P3H2: variants seen among roughly 807,000 people sequenced by gnomAD.
The protein encoded by P3H2 is prolyl 3-hydroxylase 2.
In P3H2, 80 loss-of-function variants were observed where a neutral mutation model predicts 87.0. That is an observed-to-expected ratio of 0.92 (90% CI 0.77 to 1.11). The LOEUF is 1.11. Ranked by LOEUF, P3H2 falls within the 50% of genes least tolerant of loss-of-function variation. The probability of loss-of-function intolerance (pLI) is 0.00; values close to 1 mark genes in which losing one functional copy is unlikely to be tolerated. For synonymous variants in P3H2, 367 were observed against 359.3 expected (o/e 1.02, Z -0.24); for missense variants, 1,001 against 923.9 (o/e 1.08, Z -1.08).
At chr3:189,997,827 C>T (rs3929190) in intron 1 of P3H2, among the ~76,000 whole-genome samples, 1 of 152,142 alleles carries the variant, frequency 6.6e-6, no homozygotes, top group Non-Finnish European at 1.5e-5. Context: ...CATATCAATA[C>T]AGATAAATAT....
At chr3:189,992,216 T>TC (rs1181418974) in intron 3 of P3H2, among the ~76,000 whole-genome samples, 2 of 152,120 alleles carry the variant, frequency 1.3e-5, no homozygotes, top group Admixed American at 1.3e-4. Context: ...TGCCTCAGCC[T>TC]CCTAAGTAGC....
chr3:190,010,981 G>C (rs999709937), intron 1 of P3H2, among the ~76,000 whole-genome samples: 34 of 152,042 alleles, frequency 2.2e-4, no homozygotes, highest in African/African-American at 7.0e-4. Context: ...GACTCATTAC[G>C]ACATTAAAAC....
At chr3:190,052,791 A>C (rs1726025081) in intron 1 of P3H2, among the ~76,000 whole-genome samples, 2 of 152,120 alleles carry the variant, frequency 1.3e-5, no homozygotes, top group African/African-American at 2.4e-5. Context: ...ATGTAAAAGA[A>C]TATAATTTGA....
At chr3:190,109,855 T>G (rs1328136020) in intron 1 of P3H2, among the ~76,000 whole-genome samples, 1 of 150,822 alleles carries the variant, frequency 6.6e-6, no homozygotes, top group African/African-American at 2.4e-5. Flanking sequence ...CTTTTTTTTT[T>G]TTTTTTTTTT....
At chr3:190,103,337 A>T (rs1363038226) in intron 1 of P3H2, among the ~76,000 whole-genome samples, 3 of 152,236 alleles carry the variant, frequency 2.0e-5, no homozygotes, top group Non-Finnish European at 4.4e-5. Context: ...ATTCACACAC[A>T]ATAATCTGGA....
At chr3:189,962,208 G>T (rs1477960313) in intron 14 of P3H2, among the ~76,000 whole-genome samples, 1 of 118,764 alleles carries the variant, frequency 8.4e-6, no homozygotes, top group Non-Finnish European at 1.6e-5. Flanking sequence ...CACTCTTGTC[G>T]CCCAGGTTAC....
chr3:190,105,341 A>G (rs1307808814), intron 1 of P3H2, among the ~76,000 whole-genome samples: 1 of 152,224 alleles, frequency 6.6e-6, no homozygotes, highest in Non-Finnish European at 1.5e-5. Flanking sequence ...GATCAGGAAC[A>G]ATCGCCTCAA....
At chr3:190,023,434 C>T (rs912554824) in intron 1 of P3H2, among the ~76,000 whole-genome samples, 7 of 152,136 alleles carry the variant, frequency 4.6e-5, no homozygotes, top group Non-Finnish European at 7.4e-5. Flanking sequence ...AACTTACAAC[C>T]AGGGAGGATG....
At position 189,957,218 on chromosome 3, in the gene P3H2, C is replaced by T. The variant is rs1031370890; in HGVS notation, c.*694G>A. ...ATTACGCCCATGATACCTGAGGCAG[C>T]GTGGACTCTGCCAGGGGCTCCTCAG... is the stretch of plus-strand genomic sequence containing the variant. On this transcript the variant is annotated 3_prime_UTR_variant, in exon 15 of 15. Coordinates refer to ENST00000319332, the MANE Select transcript of P3H2 (RefSeq NM_018192.4). 4 of 398,820 alleles carry T rather than the reference C, an allele frequency of 1.0e-5. No individual in the cohort carries two copies. The highest frequency in any genetic ancestry group is 3.6e-5 in the East Asian group (1 of 28,066). 24.7% of individuals were successfully genotyped at this position (398,820 alleles called of 1,614,324 possible).
At chr3:190,040,451 C>T (rs746448913) in intron 1 of P3H2, among the ~76,000 whole-genome samples, 18 of 152,168 alleles carry the variant, frequency 1.2e-4, no homozygotes, top group Admixed American at 2.0e-4. Context: ...AGAGTCAAGA[C>T]ACGAGAACAC....
rs12631910 is a variant in P3H2 at position 190,112,042 on chromosome 3, C to T, written c.480+8210G>A. Among the ~76,000 whole-genome samples the T allele has an allele frequency of 0.016, 2,381 of 152,280 alleles. 88 individuals are homozygous for T. In the East Asian group the frequency reaches 0.17, roughly 11 times the overall value. On this transcript the variant is annotated intron_variant, in intron 1 of 14. Transcript: ENST00000319332. ...ATCCTATAACTGGTATTATGGTTGA[C>T]AATTTTCCCCATGGGTCTTGTGTTA...
Position 189,957,773 on chromosome 3 carries a change from A to G in P3H2, c.*139T>C, listed in dbSNP as rs931022645. 10 of 672,634 alleles carry G rather than the reference A, an allele frequency of 1.5e-5. No individual in the cohort carries two copies. In the Admixed American group the frequency reaches 1.6e-4, roughly 11 times the overall value. The allele number at this position is 672,634 out of a possible 1,614,324, so 41.7% of individuals were successfully genotyped here. Reference sequence around the variant, plus strand: ...TAGATTGATAGATTGAGGCAACACAAGCATCCTTAGGAAGAGAAGGAAGAT... The same window carrying G: ...TAGATTGATAGATTGAGGCAACACAGGCATCCTTAGGAAGAGAAGGAAGAT... On this transcript the variant is annotated 3_prime_UTR_variant, in exon 15 of 15. Coordinates refer to ENST00000319332, the MANE Select transcript of P3H2 (RefSeq NM_018192.4).
chr3:189,963,894 C>T, intron 14 of P3H2, 64 bp downstream of exon 14: 1 of 1,564,912 alleles, frequency 6.4e-7, no homozygotes, highest in Non-Finnish European at 8.8e-7. Flanking sequence ...ATTTAAAGGA[C>T]TTCTCAGATA....
chr3:190,055,951 C>G (rs1726139656), intron 1 of P3H2, among the ~76,000 whole-genome samples: 1 of 152,186 alleles, frequency 6.6e-6, no homozygotes, highest in Non-Finnish European at 1.5e-5. Flanking sequence ...TATTGAAGCT[C>G]TAACTTCAGC....
intron 1 of P3H2, among the ~76,000 whole-genome samples, chr3:189,999,833 G>C (rs2108927379): frequency 6.6e-6 from 1 of 152,258 alleles, no homozygotes; most frequent in East Asian, 1.9e-4. Context: ...CCTTCAAGAA[G>C]CTTAGGGCCA....
intron 1 of P3H2, among the ~76,000 whole-genome samples, chr3:190,072,788 A>C (rs977777693): frequency 3.9e-5 from 6 of 152,230 alleles, no homozygotes; most frequent in Non-Finnish European, 5.9e-5. Flanking sequence ...TTATATGTAC[A>C]TGTGGCATAT....
intron 1 of P3H2, among the ~76,000 whole-genome samples, chr3:190,114,277 G>A (rs577774474): frequency 1.3e-5 from 2 of 149,316 alleles, no homozygotes; most frequent in South Asian, 2.2e-4. Flanking sequence ...TCCGCCTCCC[G>A]GGTTCACGCC....
intron 1 of P3H2, among the ~76,000 whole-genome samples, chr3:190,005,263 C>T (rs1724352276): frequency 6.6e-6 from 1 of 151,654 alleles, no homozygotes; most frequent in South Asian, 2.1e-4. Flanking sequence ...AAATGCTTGT[C>T]ACAAGCACTG....
intron 1 of P3H2, among the ~76,000 whole-genome samples, chr3:190,056,757 A>G (rs1025473593): frequency 2.0e-5 from 3 of 152,216 alleles, no homozygotes; most frequent in African/African-American, 7.2e-5. Context: ...TAAACATGCC[A>G]GCGGTCTATT....
Sources: allele counts gnomAD v4.1 joint callset (sites outside exome capture counted in the v4.1 genomes callset), GRCh38; gene constraint gnomAD v4.1.1; transcripts MANE v1.5; gene names NCBI Gene and HGNC (gene_info 2026-07-23, HGNC 2026-07-21).